LUC7L2: variants seen among roughly 807,000 people sequenced by gnomAD.
LUC7L2 encodes LUC7 like 2, pre-mRNA splicing factor.
Under a neutral mutation model 52.8 loss-of-function variants are expected in LUC7L2, and 25 were observed. That is an observed-to-expected ratio of 0.47 (90% CI 0.34 to 0.66). The LOEUF is 0.66. Ranked by LOEUF, LUC7L2 falls within the 30% of genes least tolerant of loss-of-function variation. The pLI, the probability that LUC7L2 is intolerant of heterozygous loss-of-function variation, is 0.01. For synonymous variants in LUC7L2, 144 were observed against 160.9 expected (o/e 0.89, Z 0.80); for missense variants, 328 against 497.8 (o/e 0.66, Z 3.25).
chr7:139,414,035 A>G (rs1795483459), intron 8 of LUC7L2, among the ~76,000 whole-genome samples: 1 of 152,178 alleles, frequency 6.6e-6, no homozygotes, highest in Non-Finnish European at 1.5e-5. Context: ...ACATCTTTAG[A>G]TATTTGGGCC....
chr7:139,371,330 A>G lies in LUC7L2; in HGVS notation c.62-4732A>G, dbSNP rs1196054974. 5.4e-6 allele frequency: 4 copies of G among 734,656 alleles called. No homozygotes were observed. The East Asian group carries it at 8.0e-5, about 15-fold the overall frequency. The allele number at this position is 734,656 out of a possible 1,614,324, so 45.5% of individuals were successfully genotyped here. On this transcript the variant is annotated intron_variant, in intron 1 of 9. Transcript: ENST00000354926. ...CATACCATTAAATATGTCAAATATTACAAACTTTAAGGTTCTTTTGAAATT... is the reference window on the plus strand; with the variant it reads ...CATACCATTAAATATGTCAAATATTGCAAACTTTAAGGTTCTTTTGAAATT...
intron 1 of LUC7L2, 183 bp from the exon 2 acceptor site, chr7:139,375,879 T>G (rs1027322892): frequency 1.7e-5 from 10 of 584,372 alleles, no homozygotes; most frequent in Middle Eastern, 4.7e-4. Flanking sequence ...TGCAGTACAC[T>G]TACTGCAACT....
Position 139,405,674 on chromosome 7 carries a change from A to T in LUC7L2, c.397A>T (p.Ile133Phe). The T allele has an allele frequency of 1.2e-6, 2 of 1,610,386 alleles. No homozygotes were observed. Among genetic ancestry groups the T allele is most frequent in the Non-Finnish European group, 1.7e-6 (2 of 1,179,092 alleles). ...AERVHELNEE[I>F]GKLLAKVEQL... ...ACGTGTTCATGAGTTAAATGAAGAA[A>T]TTGGTAAATTGTTAGCCAAGGTGGA... is the stretch of plus-strand genomic sequence containing the variant. Residue 133 changes from isoleucine to phenylalanine, a missense_variant, in exon 5 of 10, where the codon ATT becomes TTT. By Grantham distance (21) the Ile-to-Phe change is conservative (BLOSUM62 0). Coordinates refer to ENST00000354926, the MANE Select transcript of LUC7L2 (RefSeq NM_016019.5).
At chr7:139,341,315 C>T (rs1798943079) in intron 1 of LUC7L2, 2 of 1,546,614 alleles carry the variant, frequency 1.3e-6, no homozygotes, top group Non-Finnish European at 1.8e-6. Context: ...CATTAGGCGC[C>T]TGGGCCGGAG....
intron 6 of LUC7L2, among the ~76,000 whole-genome samples, 172 bp downstream of exon 6, chr7:139,407,522 A>C (rs1795178888): frequency 6.6e-6 from 1 of 152,226 alleles, no homozygotes; most frequent in African/African-American, 2.4e-5. Context: ...ATGCTGCCTG[A>C]GAAACAGACT....
chr7:139,354,043 C>T (rs1799537501), intron 1 of LUC7L2, among the ~76,000 whole-genome samples: 1 of 148,368 alleles, frequency 6.7e-6, no homozygotes, highest in Non-Finnish European at 1.5e-5. Flanking sequence ...TTGAACCTGG[C>T]AGGCAGGGGT....
chr7:139,360,830 C>A (rs982719930), intron 1 of LUC7L2, among the ~76,000 whole-genome samples: 2 of 152,152 alleles, frequency 1.3e-5, no homozygotes, highest in African/African-American at 4.8e-5. Flanking sequence ...CCCTCGAGCC[C>A]CACAGAAACA....
chr7:139,359,266 C>CCG (rs1335043799), upstream of LUC7L2: 1 of 152,376 alleles, frequency 6.6e-6, no homozygotes, highest in Non-Finnish European at 1.5e-5. Context: ...ACTAAGCCGC[C>CCG]CGCGACCTTG....
intron 6 of LUC7L2, among the ~76,000 whole-genome samples, chr7:139,407,917 A>C (rs1795192952): frequency 6.6e-6 from 1 of 152,224 alleles, no homozygotes; most frequent in South Asian, 2.1e-4. Flanking sequence ...TAGAGGGGAT[A>C]AACACAAAAA....
intron 9 of LUC7L2, 131 bp from the exon 10 acceptor site, chr7:139,422,032 A>C: frequency 7.3e-7 from 1 of 1,371,924 alleles, no homozygotes; most frequent in African/African-American, 1.5e-5. Flanking sequence ...TTGTCAGAAA[A>C]CTGACTCCTC....
chr7:139,387,789 T>C (rs1373971995), intron 2 of LUC7L2, among the ~76,000 whole-genome samples: 4 of 152,178 alleles, frequency 2.6e-5, no homozygotes, highest in African/African-American at 9.7e-5. Flanking sequence ...TCTTGCTGTG[T>C]CATGCAGGAC....
At chr7:139,382,922 C>A (rs1309608487) in intron 2 of LUC7L2, among the ~76,000 whole-genome samples, 2 of 151,786 alleles carry the variant, frequency 1.3e-5, no homozygotes, top group Non-Finnish European at 2.9e-5. Flanking sequence ...ACTTTAAAAA[C>A]TGCTGAAGTA....
At chr7:139,363,365 G>A (rs1296307801) in intron 1 of LUC7L2, 2 of 422,034 alleles carry the variant, frequency 4.7e-6, no homozygotes, top group Non-Finnish European at 6.3e-6. Flanking sequence ...TTTCTGATAA[G>A]GCATCATGGG....
At position 139,402,239 on chromosome 7, in the gene LUC7L2, GCA is replaced by G; in HGVS notation, c.359_360del (p.Ala120GlyfsTer8). 6.3e-7 allele frequency: 1 copy of G among 1,597,506 alleles called. No homozygotes were observed. The highest frequency in any genetic ancestry group is 8.5e-7 in the Non-Finnish European group (1 of 1,174,406). ...ETQEEISAEV[A>X]AKAERVHELN... ...TCAAGAAGAGATTAGTGCTGAAGTA[GCA>G]GCAAAGGTAAGAATTTTAATCATTT... On this transcript the variant is annotated frameshift_variant, in exon 4 of 10. Coordinates refer to ENST00000354926, the MANE Select transcript of LUC7L2 (RefSeq NM_016019.5). LOFTEE classifies it high-confidence loss of function.
chr7:139,374,971 A>AT (rs1363581273), intron 1 of LUC7L2: 1 of 986,108 alleles, frequency 1.0e-6, no homozygotes, highest in Non-Finnish European at 1.2e-6. Context: ...AGAGGTATTT[A>AT]TATCTCTTTT....
At chr7:139,349,422 A>T (rs1225904067) in intron 1 of LUC7L2, among the ~76,000 whole-genome samples, 1 of 152,170 alleles carries the variant, frequency 6.6e-6, no homozygotes, top group Non-Finnish European at 1.5e-5. Flanking sequence ...ATCAATAATC[A>T]GCTGAAGTCG....
chr7:139,345,501 G>T, intron 1 of LUC7L2: 1 of 1,614,084 alleles, frequency 6.2e-7, no homozygotes, highest in African/African-American at 1.3e-5. Flanking sequence ...GCTTCTCTAG[G>T]TCACCAGTGA....
At chr7:139,416,623 TC>T (rs1467483194) in intron 8 of LUC7L2, 3 of 152,126 alleles carry the variant, frequency 2.0e-5, no homozygotes, top group African/African-American at 7.3e-5. Context: ...AGCCTTGACT[TC>T]CTGGGCTTGG....
At chr7:139,358,809 C>T (rs1339667154), upstream of LUC7L2, among the ~76,000 whole-genome samples, 2 of 151,960 alleles carry the variant, frequency 1.3e-5, no homozygotes, top group East Asian at 1.9e-4. Flanking sequence ...CTCAGCCTCC[C>T]GAGTAGCTGG....
Sources: allele counts gnomAD v4.1 joint callset (sites outside exome capture counted in the v4.1 genomes callset), GRCh38; gene constraint gnomAD v4.1.1; transcripts MANE v1.5; gene names NCBI Gene and HGNC (gene_info 2026-07-23, HGNC 2026-07-21).